The following NT5C1B variants were observed in gnomAD, a reference collection of about 807,000 sequenced individuals.
The protein encoded by NT5C1B is 5'-nucleotidase, cytosolic IB.
A neutral mutation model predicts 57.8 loss-of-function variants in NT5C1B; 44 were observed. The observed-to-expected ratio is 0.76, with a 90% CI of 0.60 to 0.98. The LOEUF (loss-of-function observed/expected upper bound fraction) is 0.98, where lower values mean the gene tolerates loss of function less well. Ranked by LOEUF, NT5C1B falls within the 50% of genes least tolerant of loss-of-function variation. The pLI, the probability that NT5C1B is intolerant of heterozygous loss-of-function variation, is 0.00. For missense variants in NT5C1B, 742 were observed against 719.5 expected (o/e 1.03, Z -0.36); for synonymous variants, 284 against 282.6 (o/e 1.00, Z -0.05).
At chr2:18,570,659 C>T (rs981437143) in intron 8 of NT5C1B, among the ~76,000 whole-genome samples, 1 of 152,050 alleles carries the variant, frequency 6.6e-6, no homozygotes, top group African/African-American at 2.4e-5. Flanking sequence ...AAAAATTCTA[C>T]CAAACATTTT....
chr2:18,588,130 C>A (rs1049878755), intron 1 of NT5C1B, among the ~76,000 whole-genome samples: 2 of 152,136 alleles, frequency 1.3e-5, no homozygotes, highest in Non-Finnish European at 2.9e-5. Flanking sequence ...TTTAATTACT[C>A]ATAGATCTAG....
chr2:18,571,580 T>A (rs1665158201), intron 8 of NT5C1B, among the ~76,000 whole-genome samples: 1 of 151,396 alleles, frequency 6.6e-6, no homozygotes, highest in African/African-American at 2.4e-5. Flanking sequence ...ATATCTATTA[T>A]CCCAAGATCT....
intron 2 of NT5C1B, chr2:18,586,759 C>A (rs1052590158): frequency 5.8e-6 from 4 of 686,850 alleles, no homozygotes; most frequent in South Asian, 4.0e-5. Flanking sequence ...AATATATCCA[C>A]CATTTTTTAC....
chr2:18,585,045 C>G, intron 3 of NT5C1B, 67 bp from the exon 4 acceptor site: 2 of 1,588,044 alleles, frequency 1.3e-6, no homozygotes, highest in Non-Finnish European at 1.7e-6. Flanking sequence ...GGATCTGTCC[C>G]TTCTGCCTAT....
chr2:18,569,827 A>G (rs528484873), intron 8 of NT5C1B, among the ~76,000 whole-genome samples: 11 of 152,208 alleles, frequency 7.2e-5, no homozygotes, highest in Admixed American at 2.0e-4. Context: ...GACAATATAG[A>G]AAACCCAAGC....
At chr2:18,574,753 T>C (rs1356804692) in intron 8 of NT5C1B, among the ~76,000 whole-genome samples, 3 of 152,104 alleles carry the variant, frequency 2.0e-5, no homozygotes, top group Admixed American at 6.6e-5. Flanking sequence ...GTAGCGCCTA[T>C]AGTTAACAAT....
At chr2:18,568,124 A>ACACACT (rs1173370914) in intron 8 of NT5C1B, among the ~76,000 whole-genome samples, 3 of 148,466 alleles carry the variant, frequency 2.0e-5, no homozygotes, top group Non-Finnish European at 4.5e-5. Flanking sequence ...ACACACACAC[A>ACACACT]CTCCCCTCTC....
chr2:18,587,687 T>A, intron 1 of NT5C1B, 95 bp from the exon 2 acceptor site: 1 of 1,403,782 alleles, frequency 7.1e-7, no homozygotes, highest in Non-Finnish European at 9.6e-7. Flanking sequence ...AACACAAAAT[T>A]TATTTATTTG....
At chr2:18,566,292 A>G (rs1260394312) in intron 8 of NT5C1B, among the ~76,000 whole-genome samples, 1 of 152,072 alleles carries the variant, frequency 6.6e-6, no homozygotes, top group Non-Finnish European at 1.5e-5. Flanking sequence ...GTATTTGGAG[A>G]CTGACTTGTT....
chr2:18,581,086 T>G (rs1384546767), intron 6 of NT5C1B, among the ~76,000 whole-genome samples: 2 of 152,232 alleles, frequency 1.3e-5, no homozygotes, highest in African/African-American at 4.8e-5. Context: ...TCAACATTAA[T>G]ATAACATCAA....
intron 2 of NT5C1B, 41 bp from the exon 3 acceptor site, chr2:18,586,432 C>A: frequency 6.2e-7 from 1 of 1,609,000 alleles, no homozygotes; most frequent in South Asian, 1.1e-5. Flanking sequence ...AAAACCCCAT[C>A]ACCAACTCCT....
At chr2:18,576,350 A>G in exon 8 of NT5C1B, 1 of 1,612,914 alleles carries the variant, frequency 6.2e-7, no homozygotes. Flanking sequence ...TCCATCAAAC[A>G]TTGTCGCAGA....
At chr2:18,565,006 A>G (rs1005870736) in intron 8 of NT5C1B, among the ~76,000 whole-genome samples, 16 of 152,138 alleles carry the variant, frequency 1.1e-4, no homozygotes, top group African/African-American at 2.4e-4. Flanking sequence ...CATTTCTTCA[A>G]TGTCTCTGTA....
chr2:18,576,639 G>A lies in NT5C1B; in HGVS notation c.1144+134C>T, dbSNP rs1665702102. On this transcript the variant is annotated intron_variant, in intron 7 of 8. Coordinates refer to ENST00000304081, the Ensembl canonical transcript of NT5C1B. ...AAAGCTCTAAAGGACAGACTTAAGT[G>A]TTGCCCCATGTGGAAAAACTTCAGA... The A allele has an allele frequency of 5.6e-6, 8 of 1,426,648 alleles. No homozygotes were observed. In the East Asian group the frequency reaches 1.1e-4, roughly 20 times the overall value. The allele number at this position is 1,426,648 out of a possible 1,614,324, so 88.4% of individuals were successfully genotyped here. A position where few individuals can be genotyped will look rare whatever the true frequency, so the allele number is the denominator to read the frequency against.
exon 2 of NT5C1B, chr2:18,587,565 C>T (rs1666834652): frequency 6.2e-7 from 1 of 1,613,548 alleles, no homozygotes; most frequent in South Asian, 1.1e-5. Flanking sequence ...TCTAGACTCT[C>T]TTTTGAGGAC....
At chr2:18,583,981 G>A (rs771522781) in intron 5 of NT5C1B, 107 bp downstream of exon 5, 1 of 1,592,602 alleles carries the variant, frequency 6.3e-7, no homozygotes, top group East Asian at 2.2e-5. Context: ...GAATGACAAG[G>A]GTGGGCTAGG....
At position 18,584,699 on chromosome 2, in the gene NT5C1B, G is replaced by A. The variant is rs545494935; in HGVS notation, c.538C>T (p.Pro180Ser). ...TGGCTGGAGGACTTCCACTCGGTGG[G>A]GGACGTGCGCGAATATTCCAGCGGC... Residue 180 changes from proline to serine, a missense_variant, in exon 4 of 9, where the codon CCC becomes TCC. Coordinates refer to ENST00000304081, the Ensembl canonical transcript of NT5C1B. The surrounding 1 kb of genome is among the most constrained non-coding windows in gnomAD (Gnocchi z 5.8). 9 of 1,612,288 alleles carry A rather than the reference G, an allele frequency of 5.6e-6. No individual in the cohort carries two copies. The African/African-American group carries it at 1.1e-4, about 19-fold the overall frequency.
chr2:18,563,188 C>A (rs1457101856), exon 9 of NT5C1B: 2 of 152,064 alleles, frequency 1.3e-5, no homozygotes, highest in Non-Finnish European at 2.9e-5. Context: ...TTCAGAGAAC[C>A]TTTCTTAGGG....
chr2:18,586,379 A>T (rs1342524916), exon 3 of NT5C1B: 2 of 1,614,048 alleles, frequency 1.2e-6, no homozygotes, highest in Admixed American at 1.7e-5. Flanking sequence ...CGCAGTGATG[A>T]TTCTTGTGAT....
Sources: allele counts gnomAD v4.1 joint callset (sites outside exome capture counted in the v4.1 genomes callset), GRCh38; gene constraint gnomAD v4.1.1; non-coding constraint Gnocchi (gnomAD v3.1); transcripts MANE v1.5; gene names NCBI Gene and HGNC (gene_info 2026-07-23, HGNC 2026-07-21).